The following ACSF3 variants were observed in gnomAD, a reference collection of about 807,000 sequenced individuals.
The protein encoded by ACSF3 is malonate--CoA ligase ACSF3, mitochondrial.
ACSF3 carries 78 observed loss-of-function variants against 53.2 expected under a neutral mutation model. The ratio of observed to expected loss-of-function variants is 1.47; its 90% CI spans 1.22 to 1.77. The LOEUF (loss-of-function observed/expected upper bound fraction) is 1.77. ACSF3 is among the 40% of genes most tolerant of loss of function. The pLI, the probability that ACSF3 is intolerant of heterozygous loss-of-function variation, is 0.00. For missense variants in ACSF3, 937 were observed against 771.1 expected, an observed-to-expected ratio of 1.22 and a Z score of -2.55; for synonymous variants, 414 against 333.1, an observed-to-expected ratio of 1.24 and a Z score of -2.65.
Position 89,098,675 on chromosome 16 carries a change from G to GTGCCCTT in ACSF3, c.-108_-102dup. On this transcript the variant is annotated 5_prime_UTR_variant, in exon 2 of 11. It removes the in-frame stop codon of an upstream open reading frame in the 5' UTR. Transcript: ENST00000614302. The stretch of plus-strand genomic sequence containing the variant: ...GCATTTGCATTGCCTGCACCTTATC[G>GTGCCCTT]TGCCCTTCCACCTGCTGAAGCAGCT... 2.2e-6 allele frequency: 1 copy of GTGCCCTT among 454,080 alleles called. No homozygotes were observed. The highest frequency in any genetic ancestry group is 6.9e-4 in the Middle Eastern group (1 of 1,444). The allele number at this position is 454,080 out of a possible 1,614,324, so 28.1% of individuals were successfully genotyped here. A position where few individuals can be genotyped will look rare whatever the true frequency, so the allele number is the denominator to read the frequency against.
intron 8 of ACSF3, among the ~76,000 whole-genome samples, chr16:89,144,338 A>G (rs1275862238): frequency 6.6e-6 from 1 of 152,212 alleles, no homozygotes; most frequent in Non-Finnish European, 1.5e-5. Context: ...AGGAAGGAAA[A>G]CGTGGGGCAG....
intron 7 of ACSF3, among the ~76,000 whole-genome samples, 194 bp downstream of exon 7, chr16:89,121,107 C>T (rs971740337): frequency 6.6e-6 from 1 of 152,240 alleles, no homozygotes; most frequent in South Asian, 2.1e-4. Flanking sequence ...GCTGCGTGTC[C>T]GTCTGTGCGT....
intron 4 of ACSF3, among the ~76,000 whole-genome samples, chr16:89,110,498 TTG>T (rs1376838403): frequency 4.6e-5 from 7 of 152,252 alleles, no homozygotes; most frequent in African/African-American, 1.7e-4. Flanking sequence ...GGACTCTCCA[TTG>T]TGTTTTGTGG....
At chr16:89,145,202 C>T (rs539915265) in intron 8 of ACSF3, 65 bp from the exon 9 acceptor site, 21 of 1,613,454 alleles carry the variant, frequency 1.3e-5, no homozygotes, top group Non-Finnish European at 1.8e-5. Flanking sequence ...AACCAGAGCC[C>T]CTTTTCCTCA....
chr16:89,099,554 G>C (rs141468937), intron 2 of ACSF3, among the ~76,000 whole-genome samples: 25 of 152,324 alleles, frequency 1.6e-4, no homozygotes, highest in African/African-American at 5.8e-4. Flanking sequence ...GCCAAGGTGA[G>C]TGGATCACCG....
At chr16:89,129,310 C>G (rs1908808208) in intron 7 of ACSF3, among the ~76,000 whole-genome samples, 1 of 152,176 alleles carries the variant, frequency 6.6e-6, no homozygotes, top group East Asian at 1.9e-4. Context: ...TTTTGAAAGT[C>G]TGTTGTTTGG....
chr16:89,151,291 C>G (rs995104366), intron 10 of ACSF3: 1 of 429,978 alleles, frequency 2.3e-6, no homozygotes, highest in African/African-American at 2.0e-5. Context: ...GCCCAAAAGG[C>G]TTCACTGATA....
chr16:89,141,960 G>A (rs115246709), intron 8 of ACSF3, among the ~76,000 whole-genome samples: 17 of 152,332 alleles, frequency 1.1e-4, no homozygotes, highest in African/African-American at 4.1e-4. Flanking sequence ...GCACTGATTG[G>A]CTTCGCCCAG....
At position 89,101,009 on chromosome 16, in the gene ACSF3, G is replaced by T. The variant is rs189821127; in HGVS notation, c.328G>T (p.Val110Leu). The change falls in exon 3 of 11, where the codon GTG becomes TTG. Residue 110 changes from valine to leucine, a missense_variant. Coordinates refer to ENST00000614302, the MANE Select transcript of ACSF3 (RefSeq NM_001243279.3). ...ATGCGCTAACGATGCCTCCTACGTC[G>T]TGGCCCAGTGGGCGTCATGGATGAG... ...FLCANDASYV[V>L]AQWASWMSGG... 6.2e-7 allele frequency: 1 copy of T among 1,613,632 alleles called. No homozygotes were observed. Among genetic ancestry groups the T allele is most frequent in the Non-Finnish European group, 8.5e-7 (1 of 1,179,754 alleles).
intron 8 of ACSF3, among the ~76,000 whole-genome samples, chr16:89,135,861 G>C (rs533569234): frequency 1.3e-5 from 2 of 152,330 alleles, no homozygotes; most frequent in East Asian, 1.9e-4. Context: ...TGCAACCTCT[G>C]CCTCTCGGGT....
intron 4 of ACSF3, among the ~76,000 whole-genome samples, chr16:89,105,369 T>C (rs1245047546): frequency 6.6e-6 from 1 of 152,160 alleles, no homozygotes; most frequent in Non-Finnish European, 1.5e-5. Context: ...GGGTGCGCCC[T>C]GCATGGACAC....
intron 6 of ACSF3, among the ~76,000 whole-genome samples, chr16:89,120,257 C>T (rs1390596918): frequency 1.3e-5 from 2 of 152,236 alleles, no homozygotes; most frequent in African/African-American, 2.4e-5. Flanking sequence ...ATAAATGAGC[C>T]AGTACAAAGT....
At chr16:89,132,462 C>T (rs998772059) in intron 7 of ACSF3, among the ~76,000 whole-genome samples, 2 of 152,242 alleles carry the variant, frequency 1.3e-5, no homozygotes, top group Admixed American at 6.5e-5. Context: ...AGCCCAGGCT[C>T]ATATAACCCA....
chr16:89,112,864 C>T (rs575794572), intron 5 of ACSF3, among the ~76,000 whole-genome samples: 114 of 152,350 alleles, frequency 7.5e-4, no homozygotes, highest in Middle Eastern at 3.4e-3. Flanking sequence ...TCTCTGCCTT[C>T]GTGGGCAGCC....
chr16:89,111,918 G>A (rs532889889), intron 4 of ACSF3, among the ~76,000 whole-genome samples, 174 bp from the exon 5 acceptor site: 6 of 152,340 alleles, frequency 3.9e-5, no homozygotes, highest in East Asian at 3.9e-4. Flanking sequence ...CAGCTGTCCC[G>A]CGCAACATGG....
chr16:89,098,829 T>A lies in ACSF3; in HGVS notation c.-21+66T>A, dbSNP rs931727000. On this transcript the variant is annotated intron_variant, in intron 2 of 10. Transcript: ENST00000614302. ...ACAAGTGGTTGCCTTGTTTGTTTACTGAACAGAGTGTGGTTGAGGCAAAAT... is the reference window on the plus strand; with the variant it reads ...ACAAGTGGTTGCCTTGTTTGTTTACAGAACAGAGTGTGGTTGAGGCAAAAT... 1.1e-5 allele frequency: 5 copies of A among 453,428 alleles called. No homozygotes were observed. In the Admixed American group the frequency reaches 1.2e-4, roughly 11 times the overall value. 28.1% of individuals were successfully genotyped at this position (453,428 alleles called of 1,614,324 possible). A position where few individuals can be genotyped will look rare whatever the true frequency, so the allele number is the denominator to read the frequency against.
intron 10 of ACSF3, chr16:89,149,155 A>T (rs1248326263): frequency 6.6e-6 from 1 of 152,158 alleles, no homozygotes; most frequent in Non-Finnish European, 1.5e-5. Flanking sequence ...CTCAGCCTGG[A>T]CTTCATTGTC....
At chr16:89,144,900 G>A (rs1912603278) in intron 8 of ACSF3, among the ~76,000 whole-genome samples, 1 of 152,260 alleles carries the variant, frequency 6.6e-6, no homozygotes, top group Non-Finnish European at 1.5e-5. Context: ...AATGCAGGGT[G>A]TCTGCAGACC....
intron 7 of ACSF3, among the ~76,000 whole-genome samples, chr16:89,125,025 T>G (rs1470928340): frequency 1.3e-5 from 2 of 152,224 alleles, no homozygotes; most frequent in Non-Finnish European, 2.9e-5. Flanking sequence ...CTCAGAGTTG[T>G]TTTGGTGCAC....
Sources: gnomAD v4.1 joint callset for allele counts (sites outside exome capture counted in the v4.1 genomes callset) on GRCh38, gnomAD v4.1.1 for gene constraint, MANE v1.5 for transcripts, NCBI Gene and HGNC (gene_info 2026-07-23, HGNC 2026-07-21) for gene names.